RMST: variants seen among roughly 807,000 people sequenced by gnomAD.
RMST encodes the protein long intergenic non-protein coding RNA 54.
intron 11 of RMST, among the ~76,000 whole-genome samples, chr12:97,532,413 TGTGAATAGAAATAAGTAG>T (rs1565933510): frequency 1.3e-5 from 2 of 151,924 alleles, no homozygotes; most frequent in East Asian, 1.9e-4. Context: ...CAGTAAACAT[TGTGAATAGAAATAAGTAG>T]GTGAATAGAA....
chr12:97,465,500 C>A lies in RMST; in HGVS notation n.585-168C>A, dbSNP rs547597664. Among the ~76,000 whole-genome samples the A allele has an allele frequency of 3.9e-5, 6 of 152,278 alleles. No homozygotes were observed. The South Asian group carries it at 1.2e-3, about 32-fold the overall frequency. Reference sequence around the variant, plus strand: ...CTTAAAAACGGCTAATTGATGGATGCTGCAGAAAACATGCACTCTGCTAAT... The same window carrying A: ...CTTAAAAACGGCTAATTGATGGATGATGCAGAAAACATGCACTCTGCTAAT... On this transcript the variant is annotated intron_variant and non_coding_transcript_variant, in intron 4 of 13. Transcript: ENST00000640149.
chr12:97,528,426 A>G (rs962893905), intron 10 of RMST, among the ~76,000 whole-genome samples: 3 of 152,156 alleles, frequency 2.0e-5, no homozygotes, highest in Non-Finnish European at 2.9e-5. Flanking sequence ...ATTGCAATGA[A>G]AAAACATTGT....
At chr12:97,499,240 C>T (rs1465534678) in intron 10 of RMST, among the ~76,000 whole-genome samples, 1 of 151,974 alleles carries the variant, frequency 6.6e-6, no homozygotes, top group Admixed American at 6.6e-5. Context: ...TTTGGATATA[C>T]ATCAATTTTT....
At chr12:97,474,934 C>T (rs1874370405) in intron 5 of RMST, among the ~76,000 whole-genome samples, 1 of 152,150 alleles carries the variant, frequency 6.6e-6, no homozygotes, top group Non-Finnish European at 1.5e-5. Context: ...TGTACTCATT[C>T]ATAATAATTT....
intron 10 of RMST, among the ~76,000 whole-genome samples, chr12:97,519,451 G>A (rs7979596): frequency 5.9e-5 from 9 of 152,086 alleles, no homozygotes; most frequent in Non-Finnish European, 7.4e-5. Flanking sequence ...CCATTTGTTC[G>A]AGTTTATTAA....
At chr12:97,511,810 T>G (rs531580508) in intron 10 of RMST, among the ~76,000 whole-genome samples, 1 of 152,218 alleles carries the variant, frequency 6.6e-6, no homozygotes, top group Admixed American at 6.5e-5. Context: ...ACTGAGTCCA[T>G]TAAGTCTCAT....
intron 11 of RMST, among the ~76,000 whole-genome samples, chr12:97,541,569 T>A (rs1462248078): frequency 6.6e-6 from 1 of 151,642 alleles, no homozygotes; most frequent in Non-Finnish European, 1.5e-5. Flanking sequence ...TCCACTCTTA[T>A]TAATAGGGCT....
intron 5 of RMST, among the ~76,000 whole-genome samples, chr12:97,487,210 C>A (rs773064838): frequency 2.0e-5 from 3 of 152,076 alleles, no homozygotes; most frequent in Non-Finnish European, 4.4e-5. Flanking sequence ...ACATTCATTT[C>A]TTTAAGAACC....
chr12:97,463,185 A>G (rs761032819), exon 4 of RMST: 13 of 152,272 alleles, frequency 8.5e-5, no homozygotes, highest in Non-Finnish European at 1.5e-4. Context: ...CACAGCTGTA[A>G]CTGAGGCACA....
intron 5 of RMST, among the ~76,000 whole-genome samples, chr12:97,468,805 T>A (rs1047890650): frequency 7.2e-5 from 11 of 152,124 alleles, no homozygotes; most frequent in African/African-American, 2.6e-4. Context: ...TGAATTATTT[T>A]AAAAATCTCC....
At chr12:97,476,237 C>G (rs1216926326) in intron 5 of RMST, among the ~76,000 whole-genome samples, 2 of 152,008 alleles carry the variant, frequency 1.3e-5, no homozygotes, top group Non-Finnish European at 2.9e-5. Context: ...TTATATGACT[C>G]TTGATAAAGA....
At chr12:97,506,477 G>C (rs976698427) in intron 10 of RMST, among the ~76,000 whole-genome samples, 2 of 152,132 alleles carry the variant, frequency 1.3e-5, no homozygotes, top group Non-Finnish European at 2.9e-5. Context: ...CAAAGATAGA[G>C]ATGAATGAGA....
At chr12:97,553,235 G>A (rs952267059) in intron 11 of RMST, among the ~76,000 whole-genome samples, 11 of 148,312 alleles carry the variant, frequency 7.4e-5, no homozygotes, top group African/African-American at 2.3e-4. Flanking sequence ...ACAAAATAGC[G>A]ATACATTTTA....
At chr12:97,472,292 T>C (rs1287363557) in intron 5 of RMST, among the ~76,000 whole-genome samples, 1 of 152,134 alleles carries the variant, frequency 6.6e-6, no homozygotes, top group Non-Finnish European at 1.5e-5. Flanking sequence ...ACTTACGTAA[T>C]GGAAACGGGA....
At chr12:97,552,979 T>G (rs1308989339) in intron 11 of RMST, among the ~76,000 whole-genome samples, 1 of 152,174 alleles carries the variant, frequency 6.6e-6, no homozygotes, top group Non-Finnish European at 1.5e-5. Flanking sequence ...GGACAACATG[T>G]GCTAGGTCAG....
At chr12:97,512,630 G>A (rs938910344) in intron 10 of RMST, among the ~76,000 whole-genome samples, 11 of 152,350 alleles carry the variant, frequency 7.2e-5, no homozygotes, top group South Asian at 6.2e-4. Context: ...CCTTGAGCTA[G>A]ATACAGAGTG....
chr12:97,516,765 A>G (rs1879980504), intron 10 of RMST, among the ~76,000 whole-genome samples: 1 of 151,910 alleles, frequency 6.6e-6, no homozygotes, highest in South Asian at 2.1e-4. Context: ...ATTGCTATAT[A>G]GGCTATAGAA....
At chr12:97,488,361 C>A (rs998482901) in intron 5 of RMST, among the ~76,000 whole-genome samples, 4 of 152,178 alleles carry the variant, frequency 2.6e-5, no homozygotes. Context: ...CACATTGAGA[C>A]ACATTGATCG....
intron 5 of RMST, among the ~76,000 whole-genome samples, chr12:97,466,112 C>T (rs1873150212): frequency 6.6e-6 from 1 of 152,104 alleles, no homozygotes; most frequent in African/African-American, 2.4e-5. Flanking sequence ...CTTGAAAATT[C>T]TTTACGAAGT....
Sources: gnomAD v4.1 joint callset for allele counts (sites outside exome capture counted in the v4.1 genomes callset) on GRCh38, gnomAD v4.1.1 for gene constraint, MANE v1.5 for transcripts, NCBI Gene and HGNC (gene_info 2026-07-23, HGNC 2026-07-21) for gene names.